USH2A: variants seen among roughly 807,000 people sequenced by gnomAD.
USH2A encodes usherin, also known as Usher syndrome 2A (autosomal recessive, mild).
Under a neutral mutation model 538.9 loss-of-function variants are expected in USH2A, and 443 were observed. The ratio of observed to expected loss-of-function variants is 0.82; its 90% CI spans 0.76 to 0.89. USH2A has a LOEUF of 0.89. Among genes scored for constraint, USH2A ranks in the 40% least tolerant of loss-of-function variants. USH2A has a pLI of 0.00. For synonymous variants in USH2A, 2,413 were observed against 2,273.5 expected (o/e 1.06, Z -1.75); for missense variants, 6,633 against 6,324.8 (o/e 1.05, Z -1.65).
At chr1:215,735,164 G>T (rs1446223649) in intron 60 of USH2A, among the ~76,000 whole-genome samples, 3 of 152,118 alleles carry the variant, frequency 2.0e-5, no homozygotes, top group Non-Finnish European at 4.4e-5. Context: ...CTGCACCAGT[G>T]GCAGGTACCC....
At chr1:216,328,978 T>C (rs899159558) in intron 4 of USH2A, among the ~76,000 whole-genome samples, 1 of 152,182 alleles carries the variant, frequency 6.6e-6, no homozygotes, top group Non-Finnish European at 1.5e-5. Flanking sequence ...TTATAGGCTC[T>C]CTCTTTCTAC....
In USH2A at chr1:215,702,981, C is replaced by T. The variant is rs371023411; in HGVS notation, c.12067-22605G>A. On this transcript the variant is annotated intron_variant, in intron 61 of 71. Coordinates refer to ENST00000307340, the MANE Select transcript of USH2A (RefSeq NM_206933.4). ...CTTTATCTTTGATATTGGTGACCTT[C>T]GGATGGGGTTGTTTCATTGTCTTCC... Among the ~76,000 whole-genome samples the T allele has an allele frequency of 1.1e-4, 16 of 152,156 alleles. No individual in the cohort carries two copies. The East Asian group carries it at 2.3e-3, about 22-fold the overall frequency.
intron 3 of USH2A, among the ~76,000 whole-genome samples, chr1:216,369,103 T>C (rs959038120): frequency 6.6e-6 from 1 of 152,150 alleles, no homozygotes; most frequent in Non-Finnish European, 1.5e-5. Flanking sequence ...GAGAAAACTT[T>C]ATGGAGGAGA....
At chr1:215,982,441 A>G (rs11801321) in intron 35 of USH2A, among the ~76,000 whole-genome samples, 2,134 of 152,236 alleles carry the variant, frequency 0.014, 35 homozygotes, top group African/African-American at 0.049. Flanking sequence ...TGTAAAAACT[A>G]AACTAACATC....
At chr1:216,269,194 G>A (rs73098664) in intron 11 of USH2A, among the ~76,000 whole-genome samples, 11 of 152,090 alleles carry the variant, frequency 7.2e-5, no homozygotes, top group South Asian at 2.1e-4. Context: ...TATGTGTTGT[G>A]GGGGGAGACC....
chr1:215,647,778 T>A, intron 66 of USH2A, 48 bp from the exon 67 acceptor site: 2 of 1,596,844 alleles, frequency 1.3e-6, no homozygotes, highest in Non-Finnish European at 1.7e-6. Flanking sequence ...ATGGAATTAG[T>A]TTAACTCTCT....
intron 9 of USH2A, among the ~76,000 whole-genome samples, chr1:216,321,291 T>C (rs2037604566): frequency 6.6e-6 from 1 of 152,172 alleles, no homozygotes. Context: ...CTTGATTTTA[T>C]TTCCACTTAC....
At chr1:216,037,705 T>G (rs552852113) in intron 32 of USH2A, among the ~76,000 whole-genome samples, 2 of 152,158 alleles carry the variant, frequency 1.3e-5, no homozygotes, top group South Asian at 4.1e-4. Flanking sequence ...TATTTTAAGT[T>G]TAGGGGTACA....
Position 216,086,805 on chromosome 1 carries a change from A to C in USH2A, c.4901T>G (p.Leu1634Arg). The C allele has an allele frequency of 6.2e-7, 1 of 1,612,672 alleles. No individual in the cohort carries two copies. The change falls in exon 24 of 72, where the codon CTG (leucine) becomes CGG (arginine). Residue 1634 changes from leucine (L) to arginine (R), a missense_variant. By Grantham distance (102) the Leu-to-Arg change is moderately radical. Coordinates refer to ENST00000307340, the MANE Select transcript of USH2A (RefSeq NM_206933.4). ...DGIYTGSSAILNGSTVIGDNT... is the reference protein window; with the variant it reads ...DGIYTGSSAIRNGSTVIGDNT... ...ATCTCCAATAACAGTACTACCATTC[A>C]GGATGGCAGAGGAACCTAGAGAAGA... is the stretch of plus-strand genomic sequence containing the variant.
intron 37 of USH2A, among the ~76,000 whole-genome samples, chr1:215,949,883 A>C (rs1229802399): frequency 6.6e-6 from 1 of 152,150 alleles, no homozygotes; most frequent in Non-Finnish European, 1.5e-5. Flanking sequence ...AACCTCTAAA[A>C]TATTCTGGGC....
rs370327669 is a variant in USH2A, at chr1:215,782,198, T to C, written c.10586-2A>G. The stretch of plus-strand genomic sequence containing the variant: ...GAAGGATGTAGTAAATAATAGGACC[T>C]AAAAGAAGCAGAAAAATGACTGCAT... On this transcript the variant is annotated splice_acceptor_variant, in intron 53 of 71. Transcript: ENST00000307340. LOFTEE classifies it high-confidence loss of function. 1.2e-6 allele frequency: 2 copies of C among 1,613,536 alleles called. No individual in the cohort carries two copies. The highest frequency in any genetic ancestry group is 1.3e-5 in the African/African-American group (1 of 74,896).
At chr1:216,322,373 C>T (rs529540829) in intron 8 of USH2A, among the ~76,000 whole-genome samples, 63 of 151,870 alleles carry the variant, frequency 4.1e-4, no homozygotes, top group African/African-American at 1.4e-3. Context: ...GAGACTCAGG[C>T]GGGTAGATCA....
chr1:215,788,609 C>A (rs1481497417), intron 51 of USH2A, among the ~76,000 whole-genome samples: 1 of 152,108 alleles, frequency 6.6e-6, no homozygotes, highest in Non-Finnish European at 1.5e-5. Context: ...CATAGAGGTT[C>A]ATTGTCATGA....
In USH2A at chr1:215,970,683, C is replaced by G. The variant is rs765398182; in HGVS notation, c.6899G>C (p.Ser2300Thr). The change falls in exon 36 of 72, where the codon AGT becomes ACT. Residue 2300 changes from serine (S) to threonine (T), a missense_variant. Coordinates refer to ENST00000307340, the MANE Select transcript of USH2A (RefSeq NM_206933.4). ...TGCTTGGACTCTGAAGGAATGTAAACTCCAAGGAGCAAATCCGTAAGCACG... is the reference window on the plus strand; with the variant it reads ...TGCTTGGACTCTGAAGGAATGTAAAGTCCAAGGAGCAAATCCGTAAGCACG... ...SYRAYGFAPWSLHSFRVQACT... is the reference protein window; with the variant it reads ...SYRAYGFAPWTLHSFRVQACT... 1 of 1,613,698 alleles carries G rather than the reference C, an allele frequency of 6.2e-7. No individual in the cohort carries two copies. The highest frequency in any genetic ancestry group is 8.5e-7 in the Non-Finnish European group (1 of 1,179,754).
At chr1:216,291,028 C>A (rs919833555) in intron 10 of USH2A, among the ~76,000 whole-genome samples, 1 of 152,080 alleles carries the variant, frequency 6.6e-6, no homozygotes, top group Non-Finnish European at 1.5e-5. Flanking sequence ...ACTAGTTTTC[C>A]CCAACCACTC....
chr1:216,293,000 T>TA lies in USH2A; in HGVS notation c.1645-631dup, dbSNP rs572159183. On this transcript the variant is annotated intron_variant, in intron 9 of 71. Coordinates refer to ENST00000307340, the MANE Select transcript of USH2A (RefSeq NM_206933.4). ...GCTTGCCTTCATCTCACCTATAACT[T>TA]ATCACACTGAACACAAGCATCTTTT... is the stretch of plus-strand genomic sequence containing the variant. Among the ~76,000 whole-genome samples the TA allele has an allele frequency of 7.2e-4, 110 of 151,890 alleles. 2 individuals carry two copies. The highest frequency in any genetic ancestry group is 6.9e-4 in the Non-Finnish European group (47 of 67,944).
rs1241894337 is a variant in USH2A at position 215,951,750 on chromosome 1, C to CAT, written c.7120+13565_7120+13566dup. Among the ~76,000 whole-genome samples the CAT allele has an allele frequency of 2.0e-5, 3 of 152,272 alleles. No individual in the cohort carries two copies. In the East Asian group the frequency reaches 5.8e-4, roughly 29 times the overall value. ...AATCTGGGTGCTCCTGTATTGGGTG[C>CAT]ATATATATGTAGGATAGTTAGCTCT... On this transcript the variant is annotated intron_variant, in intron 37 of 71. Transcript: ENST00000307340.
intron 3 of USH2A, among the ~76,000 whole-genome samples, chr1:216,403,278 T>C (rs4431907): frequency 0.77 from 117,072 of 151,952 alleles, 45,548 homozygotes; most frequent in African/African-American, 0.88. Context: ...ACTTCATTAA[T>C]TTGATAAAGA....
intron 38 of USH2A, among the ~76,000 whole-genome samples, chr1:215,906,615 T>A (rs1038265027): frequency 2.6e-5 from 4 of 152,028 alleles, no homozygotes; most frequent in Admixed American, 1.3e-4. Flanking sequence ...AAATGTTGGA[T>A]TTATTTTCTG....
Sources: allele counts gnomAD v4.1 joint callset (sites outside exome capture counted in the v4.1 genomes callset), GRCh38; gene constraint gnomAD v4.1.1; transcripts MANE v1.5; gene names NCBI Gene and HGNC (gene_info 2026-07-23, HGNC 2026-07-21).